SYN2: variants seen among roughly 807,000 people sequenced by gnomAD.
SYN2 encodes the protein synapsin-2.
Under a neutral mutation model 50.9 loss-of-function variants are expected in SYN2, and 19 were observed. That is an observed-to-expected ratio of 0.37 (90% CI 0.26 to 0.55). SYN2 has a LOEUF of 0.55. Ranked by LOEUF, SYN2 falls within the 20% of genes least tolerant of loss-of-function variation. SYN2 has a pLI of 0.81. For synonymous variants in SYN2, 255 were observed against 224.9 expected, an observed-to-expected ratio of 1.13 and a Z score of -1.20; for missense variants, 587 against 576.4, an observed-to-expected ratio of 1.02 and a Z score of -0.19.
At chr3:12,131,286 T>A (rs1404767959) in intron 1 of SYN2, among the ~76,000 whole-genome samples, 1 of 152,166 alleles carries the variant, frequency 6.6e-6, no homozygotes, top group East Asian at 1.9e-4. Context: ...TGGAGGACAT[T>A]TCCTTGTATC....
intron 8 of SYN2, 44 bp from the exon 9 acceptor site, chr3:12,168,332 G>A (rs1697851918): frequency 1.3e-6 from 2 of 1,542,178 alleles, no homozygotes; most frequent in Non-Finnish European, 8.9e-7. Context: ...GCTTTGTGGT[G>A]AGCGAATTGC....
At chr3:12,120,279 A>G (rs1188620189) in intron 1 of SYN2, among the ~76,000 whole-genome samples, 1 of 152,072 alleles carries the variant, frequency 6.6e-6, no homozygotes, top group Non-Finnish European at 1.5e-5. Context: ...GCGCTTTTTT[A>G]ACCACAGTTT....
intron 10 of SYN2, among the ~76,000 whole-genome samples, chr3:12,177,452 A>C (rs185123478): frequency 5.9e-5 from 9 of 152,168 alleles, no homozygotes; most frequent in Non-Finnish European, 1.3e-4. Flanking sequence ...TCCTGAGTGC[A>C]AGAAGACCAA....
chr3:12,183,637 C>G, intron 11 of SYN2: 1 of 1,419,860 alleles, frequency 7.0e-7, no homozygotes, highest in Non-Finnish European at 9.1e-7. Flanking sequence ...TTGTAATGCT[C>G]ACTTATGTTT....
At chr3:12,177,119 C>T (rs1187062506) in intron 10 of SYN2, among the ~76,000 whole-genome samples, 3 of 152,284 alleles carry the variant, frequency 2.0e-5, no homozygotes, top group South Asian at 4.1e-4. Flanking sequence ...GCTGAATAAC[C>T]TCTGGTGTCT....
intron 1 of SYN2, among the ~76,000 whole-genome samples, chr3:12,052,711 A>T (rs1458639567): frequency 6.6e-6 from 1 of 152,206 alleles, no homozygotes; most frequent in Non-Finnish European, 1.5e-5. Context: ...GGTTGTTGTA[A>T]TCAAGATTAC....
chr3:12,066,749 A>G (rs1052394183), intron 1 of SYN2, among the ~76,000 whole-genome samples: 4 of 152,188 alleles, frequency 2.6e-5, no homozygotes, highest in African/African-American at 9.6e-5. Flanking sequence ...TTACAAGTGT[A>G]TTAGTCCGTT....
At chr3:12,120,599 A>T (rs1402196048) in intron 1 of SYN2, among the ~76,000 whole-genome samples, 1 of 152,226 alleles carries the variant, frequency 6.6e-6, no homozygotes, top group Non-Finnish European at 1.5e-5. Flanking sequence ...TGCCATGGCC[A>T]GGTGTGGTTT....
intron 1 of SYN2, among the ~76,000 whole-genome samples, chr3:12,118,060 G>A (rs989555954): frequency 1.3e-5 from 2 of 152,206 alleles, no homozygotes; most frequent in Admixed American, 6.5e-5. Flanking sequence ...GCAGTGCGAA[G>A]TAGCATGACA....
At chr3:12,019,764 C>T (rs1694092662) in intron 1 of SYN2, among the ~76,000 whole-genome samples, 2 of 152,134 alleles carry the variant, frequency 1.3e-5, no homozygotes, top group Non-Finnish European at 2.9e-5. Context: ...GTCACCTTGA[C>T]CTTGTGAGGT....
intron 1 of SYN2, among the ~76,000 whole-genome samples, chr3:12,042,081 G>C (rs896113459): frequency 1.3e-5 from 2 of 152,136 alleles, no homozygotes; most frequent in Non-Finnish European, 2.9e-5. Flanking sequence ...ATTAGCGTTG[G>C]TCTGTAAGCC....
At chr3:12,174,030 C>T (rs917521172) in intron 10 of SYN2, among the ~76,000 whole-genome samples, 1 of 152,020 alleles carries the variant, frequency 6.6e-6, no homozygotes, top group Non-Finnish European at 1.5e-5. Flanking sequence ...TTTTCTAGGC[C>T]CCTGAGGCCC....
chr3:12,107,178 G>A (rs1376267233), intron 1 of SYN2, among the ~76,000 whole-genome samples: 1 of 152,172 alleles, frequency 6.6e-6, no homozygotes, highest in Non-Finnish European at 1.5e-5. Flanking sequence ...TCCAGCAGAA[G>A]TATTCCAGCT....
At position 12,158,820 on chromosome 3, in the gene SYN2, G is replaced by A. The variant is rs368358494; in HGVS notation, c.775-2726G>A. On this transcript the variant is annotated intron_variant, in intron 5 of 12. Coordinates refer to ENST00000621198, the MANE Select transcript of SYN2 (RefSeq NM_133625.6). ...GCAGCAACAGCACCCAGCTTGGCGC[G>A]GGCCGAGGGCTCCCAGGCATGACAC... The A allele has an allele frequency of 1.0e-5, 16 of 1,594,528 alleles. 1 individual carries two copies. Among genetic ancestry groups the A allele is most frequent in the Middle Eastern group, 3.4e-4 (2 of 5,908 alleles).
In SYN2 at chr3:12,101,879, G is replaced by A. The variant is rs182235394; in HGVS notation, c.378-38772G>A. On this transcript the variant is annotated intron_variant, in intron 1 of 12. Transcript: ENST00000621198. ...AAAATCACTAGGAAGGCATTTAACA[G>A]CAATGTCCAGTTGCCTGGGGGATAC... Among the ~76,000 whole-genome samples, 20 of 152,234 alleles carry A rather than the reference G, an allele frequency of 1.3e-4. No individual in the cohort carries two copies. In the East Asian group the frequency reaches 2.9e-3, roughly 22 times the overall value.
At chr3:12,024,710 A>C (rs1210947125) in intron 1 of SYN2, among the ~76,000 whole-genome samples, 2 of 152,218 alleles carry the variant, frequency 1.3e-5, no homozygotes, top group Non-Finnish European at 2.9e-5. Context: ...AGTTGTTCCC[A>C]GTTTGGGGCT....
intron 1 of SYN2, among the ~76,000 whole-genome samples, chr3:12,056,428 A>G (rs1230250604): frequency 8.1e-6 from 1 of 123,144 alleles, no homozygotes; most frequent in Non-Finnish European, 1.8e-5. Flanking sequence ...CTTTTTTTTT[A>G]ATTTTGATGT....
intron 1 of SYN2, among the ~76,000 whole-genome samples, chr3:12,012,838 A>G (rs1693944682): frequency 6.6e-6 from 1 of 152,122 alleles, no homozygotes; most frequent in Non-Finnish European, 1.5e-5. Flanking sequence ...TGCTCTTTCT[A>G]TGGGTTGCTC....
At chr3:12,171,629 G>C (rs1242320647) in intron 10 of SYN2, among the ~76,000 whole-genome samples, 1 of 152,210 alleles carries the variant, frequency 6.6e-6, no homozygotes, top group South Asian at 2.1e-4. Flanking sequence ...CTGAACTAAA[G>C]TAAAGGCCGT....
Sources: gnomAD v4.1 joint callset for allele counts (sites outside exome capture counted in the v4.1 genomes callset) on GRCh38, gnomAD v4.1.1 for gene constraint, MANE v1.5 for transcripts, NCBI Gene and HGNC (gene_info 2026-07-23, HGNC 2026-07-21) for gene names.